The following ARHGAP28 variants were observed in gnomAD, a reference collection of about 807,000 sequenced individuals.
ARHGAP28 encodes Rho GTPase activating protein 28.
In ARHGAP28, 56 loss-of-function variants were observed where a neutral mutation model predicts 90.7. The ratio of observed to expected loss-of-function variants is 0.62; its 90% CI spans 0.50 to 0.77. The LOEUF is 0.77. Among genes scored for constraint, ARHGAP28 ranks in the 30% least tolerant of loss-of-function variants. The pLI is 0.00. For missense variants in ARHGAP28, 869 were observed against 900.9 expected, an observed-to-expected ratio of 0.96 and a Z score of 0.45; for synonymous variants, 308 against 323.3, an observed-to-expected ratio of 0.95 and a Z score of 0.51.
chr18:6,853,935 ATGT>A lies in ARHGAP28; in HGVS notation c.636+2813_636+2815del, dbSNP rs941991676. ...GCTGTACTCTGACCACCGTGGGCACATGTTGTCAGGACACCCTGAGACGGTGTC... is the reference window on the plus strand; with the variant it reads ...GCTGTACTCTGACCACCGTGGGCACATGTCAGGACACCCTGAGACGGTGTC... On this transcript the variant is annotated intron_variant, in intron 4 of 17. Coordinates refer to ENST00000383472, the MANE Select transcript of ARHGAP28 (RefSeq NM_001366230.1). 2.2e-4 allele frequency among the ~76,000 whole-genome samples: 34 copies of A among 152,212 alleles called. 1 individual carries two copies. Among genetic ancestry groups the A allele is most frequent in the African/African-American group, 8.0e-4 (33 of 41,460 alleles).
intron 1 of ARHGAP28, among the ~76,000 whole-genome samples, chr18:6,765,653 T>C (rs1204462238): frequency 2.0e-5 from 3 of 152,170 alleles, no homozygotes; most frequent in Non-Finnish European, 4.4e-5. Flanking sequence ...CTATTTACTT[T>C]TGACTTAATT....
intron 16 of ARHGAP28, 191 bp downstream of exon 16, chr18:6,896,817 G>GAAAT (rs2057308150): frequency 8.9e-6 from 5 of 560,842 alleles, no homozygotes; most frequent in Non-Finnish European, 1.4e-5. Flanking sequence ...AACAAAAGTT[G>GAAAT]TTTTTCAAAG....
chr18:6,901,352 G>A (rs921554197), intron 16 of ARHGAP28, among the ~76,000 whole-genome samples: 3 of 152,038 alleles, frequency 2.0e-5, no homozygotes, highest in Admixed American at 6.6e-5. Flanking sequence ...ATTTTAAAAT[G>A]GTGGTGCACC....
chr18:6,792,689 G>A (rs1267187689), intron 1 of ARHGAP28, among the ~76,000 whole-genome samples: 1 of 152,150 alleles, frequency 6.6e-6, no homozygotes, highest in African/African-American at 2.4e-5. Flanking sequence ...GCAAGAAATC[G>A]GGGAAAATAA....
chr18:6,839,553 T>A (rs544553836), intron 3 of ARHGAP28, among the ~76,000 whole-genome samples: 1 of 152,198 alleles, frequency 6.6e-6, no homozygotes, highest in Non-Finnish European at 1.5e-5. Context: ...TGCCTCGGCC[T>A]CCCAAAGTGC....
At chr18:6,864,122 G>A (rs1035190857) in intron 5 of ARHGAP28, among the ~76,000 whole-genome samples, 2 of 151,960 alleles carry the variant, frequency 1.3e-5, no homozygotes, top group African/African-American at 4.8e-5. Flanking sequence ...CTGGAGTGCA[G>A]TGGTGCGATC....
chr18:6,898,737 T>C, intron 16 of ARHGAP28: 2 of 1,296,774 alleles, frequency 1.5e-6, no homozygotes, highest in Non-Finnish European at 2.0e-6. Flanking sequence ...GCAGAGAGAC[T>C]CAAATCTTTT....
At chr18:6,735,547 G>C (rs1181402082) in intron 1 of ARHGAP28, among the ~76,000 whole-genome samples, 1 of 146,364 alleles carries the variant, frequency 6.8e-6, no homozygotes, top group Non-Finnish European at 1.5e-5. Flanking sequence ...TTAAATTAAG[G>C]TTATGCTGTT....
intron 1 of ARHGAP28, among the ~76,000 whole-genome samples, chr18:6,752,512 AT>A (rs2056077618): frequency 6.6e-6 from 1 of 152,176 alleles, no homozygotes; most frequent in South Asian, 2.1e-4. Flanking sequence ...GTCTCTCACA[AT>A]CTTTTTGTGT....
rs781727091 is a variant in ARHGAP28, at chr18:6,876,179, C to A, written c.1261C>A (p.Arg421=). The change falls in exon 10 of 18, where the codon CGA becomes AGA. Residue 421 remains arginine (R), a synonymous_variant. Coordinates refer to ENST00000383472, the MANE Select transcript of ARHGAP28 (RefSeq NM_001366230.1). ...ESGLESEGIF[R]LSGCTAKVKQ... is the part of the protein sequence containing the mutation. ...AGGTCTGGAATCTGAAGGAATTTTTCGACTTTCAGGATGTACTGCTAAAGT... is the reference window on the plus strand; with the variant it reads ...AGGTCTGGAATCTGAAGGAATTTTTAGACTTTCAGGATGTACTGCTAAAGT... 1 of 1,613,968 alleles carries A rather than the reference C, an allele frequency of 6.2e-7. No homozygotes were observed. Among genetic ancestry groups the A allele is most frequent in the Non-Finnish European group, 8.5e-7 (1 of 1,179,942 alleles).
chr18:6,779,689 CTAT>C (rs1473525568), intron 1 of ARHGAP28, among the ~76,000 whole-genome samples: 3 of 152,190 alleles, frequency 2.0e-5, no homozygotes, highest in African/African-American at 7.2e-5. Flanking sequence ...AAACATCTGC[CTAT>C]TTTTGTATAG....
intron 1 of ARHGAP28, among the ~76,000 whole-genome samples, chr18:6,767,163 C>T (rs977426228): frequency 6.6e-6 from 1 of 152,138 alleles, no homozygotes; most frequent in African/African-American, 2.4e-5. Context: ...GAGTTTACAA[C>T]ATGACACTTT....
At chr18:6,762,668 T>A (rs554886108) in intron 1 of ARHGAP28, among the ~76,000 whole-genome samples, 1 of 152,116 alleles carries the variant, frequency 6.6e-6, no homozygotes, top group African/African-American at 2.4e-5. Context: ...GGGCCTAATC[T>A]AGTATCCCAT....
chr18:6,898,143 G>T, intron 16 of ARHGAP28: 1 of 221,206 alleles, frequency 4.5e-6, no homozygotes, highest in Non-Finnish European at 8.7e-6. Flanking sequence ...ATGGTGTGAG[G>T]TAAGGACGGT....
intron 16 of ARHGAP28, among the ~76,000 whole-genome samples, chr18:6,901,948 C>CCATGGA (rs1450578143): frequency 3.3e-5 from 5 of 152,184 alleles, no homozygotes; most frequent in African/African-American, 1.2e-4. Flanking sequence ...GCAATCTTGG[C>CCATGGA]ATTCCATGGC....
chr18:6,871,497 A>G lies in ARHGAP28; in HGVS notation c.954+765A>G, dbSNP rs917742797. Among the ~76,000 whole-genome samples, 4 of 152,332 alleles carry G rather than the reference A, an allele frequency of 2.6e-5. No homozygotes were observed. The East Asian group carries it at 7.7e-4, about 29-fold the overall frequency. On this transcript the variant is annotated intron_variant, in intron 7 of 17. Coordinates refer to ENST00000383472, the MANE Select transcript of ARHGAP28 (RefSeq NM_001366230.1). ...CATCAAAACCAATTCAAGAACTTCT[A>G]TTAGTACATGATGGGCAAAGAGAGC...
chr18:6,743,465 C>T (rs560768550), intron 1 of ARHGAP28, among the ~76,000 whole-genome samples: 1 of 152,146 alleles, frequency 6.6e-6, no homozygotes, highest in African/African-American at 2.4e-5. Context: ...TGTGATTTCT[C>T]CTTTGTTGGA....
chr18:6,753,668 A>T (rs4449029), intron 1 of ARHGAP28, among the ~76,000 whole-genome samples: 5,722 of 152,334 alleles, frequency 0.038, 138 homozygotes, highest in Middle Eastern at 0.054. Context: ...GTGAAATTAG[A>T]TTGAATTGGT....
chr18:6,843,824 C>T (rs1194593914), intron 3 of ARHGAP28, among the ~76,000 whole-genome samples: 2 of 152,088 alleles, frequency 1.3e-5, no homozygotes, highest in Non-Finnish European at 2.9e-5. Flanking sequence ...TCTATGGGTT[C>T]AAAGAAATGT....
Sources: gnomAD v4.1 joint callset for allele counts (sites outside exome capture counted in the v4.1 genomes callset) on GRCh38, gnomAD v4.1.1 for gene constraint, MANE v1.5 for transcripts, NCBI Gene and HGNC (gene_info 2026-07-23, HGNC 2026-07-21) for gene names.